The following ANKRD50 variants were observed in gnomAD, a reference collection of about 807,000 sequenced individuals.
The protein encoded by ANKRD50 is ankyrin repeat domain 50.
Under a neutral mutation model 112.0 loss-of-function variants are expected in ANKRD50, and 40 were observed. That is an observed-to-expected ratio of 0.36 (90% confidence interval 0.28 to 0.46). The LOEUF is 0.46. ANKRD50 is among the 20% of genes least tolerant of loss of function. ANKRD50 has a pLI of 1.00. For synonymous variants in ANKRD50, 613 were observed against 619.1 expected, an observed-to-expected ratio of 0.99 and a Z score of 0.15; for missense variants, 1,487 against 1,701.7, an observed-to-expected ratio of 0.87 and a Z score of 2.22.
Position 124,672,193 on chromosome 4 carries a change from G to A in ANKRD50, c.1084C>T (p.Arg362Ter), listed in dbSNP as rs1304301825. The part of the protein sequence containing the change: ...PILNVILAAC[R>*]PLTITELYHA... ...TATAATTCCGTTATGGTCAAAGGTC[G>A]GCAGGCTGCAAGAATCACATTCAAA... The change falls in exon 4 of 5, where the codon CGA (arginine) becomes TGA (stop). Residue 362 changes from arginine to a stop codon, truncating the protein, a stop_gained. Coordinates refer to ENST00000504087, the MANE Select transcript of ANKRD50 (RefSeq NM_020337.3). LOFTEE classifies it high-confidence loss of function. 1 of 1,613,788 alleles carries A rather than the reference G, an allele frequency of 6.2e-7. No individual in the cohort carries two copies. Among genetic ancestry groups the A allele is most frequent in the Non-Finnish European group, 8.5e-7 (1 of 1,179,846 alleles).
intron 2 of ANKRD50, among the ~76,000 whole-genome samples, chr4:124,687,534 C>CT (rs1725036011): frequency 6.6e-6 from 1 of 151,996 alleles, no homozygotes; most frequent in Non-Finnish European, 1.5e-5. Flanking sequence ...GAAAACTTGA[C>CT]TTTATCAAAA....
chr4:124,689,762 GTCTTAGGATT>G (rs1288964117), intron 2 of ANKRD50, among the ~76,000 whole-genome samples: 1 of 152,066 alleles, frequency 6.6e-6, no homozygotes, highest in Non-Finnish European at 1.5e-5. Context: ...TTGACTACAG[GTCTTAGGATT>G]TCTTAGCCCC....
At chr4:124,668,869 T>G in intron 4 of ANKRD50, 115 bp downstream of exon 4, 21 of 951,294 alleles carry the variant, frequency 2.2e-5, no homozygotes, top group Non-Finnish European at 3.2e-5. Context: ...CTGGCCCAGA[T>G]GACATCTGAG....
Position 124,710,588 on chromosome 4 carries a change from T to C in ANKRD50, c.-77A>G, listed in dbSNP as rs1178076194. ...TTTCCATCCATTATGACATAACTTG[T>C]ATATTAAGTTGACTCTGAAGACAGA... On this transcript the variant is annotated 5_prime_UTR_variant, in exon 2 of 5. The change creates a new upstream start codon in the 5' untranslated region. Transcript: ENST00000504087. 10 of 1,466,652 alleles carry C rather than the reference T, an allele frequency of 6.8e-6. No individual in the cohort carries two copies. Among genetic ancestry groups the C allele is most frequent in the South Asian group, 3.9e-5 (3 of 76,310 alleles). 90.9% of individuals were successfully genotyped at this position (1,466,652 alleles called of 1,614,324 possible).
intron 2 of ANKRD50, 43 bp downstream of exon 2, chr4:124,709,957 T>A (rs1725591113): frequency 1.3e-6 from 2 of 1,553,692 alleles, no homozygotes; most frequent in Non-Finnish European, 1.7e-6. Flanking sequence ...ATTAATTTAA[T>A]TTCAGCATAG....
intron 2 of ANKRD50, among the ~76,000 whole-genome samples, chr4:124,681,273 C>CT (rs2110513969): frequency 6.6e-6 from 1 of 152,284 alleles, no homozygotes; most frequent in East Asian, 1.9e-4. Flanking sequence ...CACATTAATT[C>CT]TTTAAGGTGG....
chr4:124,684,803 T>C (rs1194431718), intron 2 of ANKRD50, among the ~76,000 whole-genome samples: 1 of 152,208 alleles, frequency 6.6e-6, no homozygotes, highest in Non-Finnish European at 1.5e-5. Flanking sequence ...CTTAGTCATG[T>C]AAAAAGTAGA....
chr4:124,681,484 C>A lies in ANKRD50; in HGVS notation c.513-2579G>T, dbSNP rs187887274. Among the ~76,000 whole-genome samples, 195 of 152,298 alleles carry A rather than the reference C, an allele frequency of 1.3e-3. 1 individual carries two copies. Among genetic ancestry groups the A allele is most frequent in the African/African-American group, 4.6e-3 (192 of 41,546 alleles). On this transcript the variant is annotated intron_variant, in intron 2 of 4. Transcript: ENST00000504087. ...TCTCAGGACCCAGCCCCGCCTCTTC[C>A]CAATCTCCTTCTCCCCTAGTCCTGG...
In ANKRD50 at chr4:124,710,035, C is replaced by G. The variant is rs1321615323; in HGVS notation, c.477G>C (p.Gly159=). ...DPAVQSLLQP[G]ECERNPAEAF... is the part of the protein sequence containing the mutation. Reference sequence around the variant, plus strand: ...CTTCGGCTGGGTTTCTCTCGCACTCCCCAGGCTGTAAGAGGCTTTGGACTG... The same window carrying G: ...CTTCGGCTGGGTTTCTCTCGCACTCGCCAGGCTGTAAGAGGCTTTGGACTG... The change falls in exon 2 of 5, where the codon GGG becomes GGC. Residue 159 remains glycine (G), a synonymous_variant. Coordinates refer to ENST00000504087, the MANE Select transcript of ANKRD50 (RefSeq NM_020337.3). 1.2e-6 allele frequency: 2 copies of G among 1,614,084 alleles called. No individual in the cohort carries two copies. Among genetic ancestry groups the G allele is most frequent in the South Asian group, 1.1e-5 (1 of 91,064 alleles).
chr4:124,696,152 A>T (rs554424277), intron 2 of ANKRD50, among the ~76,000 whole-genome samples: 7 of 152,096 alleles, frequency 4.6e-5, no homozygotes, highest in Admixed American at 2.0e-4. Context: ...ATAAAAATAG[A>T]TAAAGAATTA....
intron 2 of ANKRD50, among the ~76,000 whole-genome samples, chr4:124,690,095 A>T (rs532839897): frequency 6.6e-6 from 1 of 152,300 alleles, no homozygotes; most frequent in East Asian, 1.9e-4. Context: ...TTAAGCTGCT[A>T]CCAAAGGAAA....
chr4:124,678,031 A>G (rs1050801058), intron 3 of ANKRD50, among the ~76,000 whole-genome samples: 3 of 152,124 alleles, frequency 2.0e-5, no homozygotes, highest in African/African-American at 7.2e-5. Flanking sequence ...AATTGAAGAG[A>G]GACAACCTGA....
At chr4:124,699,945 C>T (rs1378433662) in intron 2 of ANKRD50, among the ~76,000 whole-genome samples, 1 of 151,906 alleles carries the variant, frequency 6.6e-6, no homozygotes, top group Non-Finnish European at 1.5e-5. Context: ...ACAAAGAGGA[C>T]AAGAAAAGCA....
chr4:124,688,598 C>A (rs954717676), intron 2 of ANKRD50, among the ~76,000 whole-genome samples: 13 of 152,168 alleles, frequency 8.5e-5, no homozygotes, highest in African/African-American at 3.1e-4. Context: ...AGTCAGAATA[C>A]TCAGAACTCA....
intron 2 of ANKRD50, among the ~76,000 whole-genome samples, chr4:124,685,647 T>C (rs570676483): frequency 6.6e-6 from 1 of 152,326 alleles, no homozygotes; most frequent in African/African-American, 2.4e-5. Context: ...TAACACTGTA[T>C]TTAAAAGCAA....
intron 3 of ANKRD50, among the ~76,000 whole-genome samples, chr4:124,677,726 G>C (rs936884866): frequency 6.6e-6 from 1 of 151,804 alleles, no homozygotes; most frequent in African/African-American, 2.4e-5. Flanking sequence ...AAGCTCAGAT[G>C]GTGTACGGAG....
intron 3 of ANKRD50, among the ~76,000 whole-genome samples, chr4:124,676,796 A>G (rs139738065): frequency 1.2e-3 from 184 of 151,868 alleles, no homozygotes; most frequent in Middle Eastern, 3.4e-3. Context: ...AATTGAAAAA[A>G]TATCAAATAC....
At chr4:124,678,530 T>A (rs984206718) in intron 3 of ANKRD50, 146 bp downstream of exon 3, 5 of 700,140 alleles carry the variant, frequency 7.1e-6, no homozygotes, top group Non-Finnish European at 1.2e-5. Flanking sequence ...AAGGCTTTTT[T>A]ATATAAATTT....
At chr4:124,687,017 T>A (rs912633987) in intron 2 of ANKRD50, among the ~76,000 whole-genome samples, 4 of 152,102 alleles carry the variant, frequency 2.6e-5, no homozygotes, top group African/African-American at 9.7e-5. Context: ...GTATGTGGCT[T>A]CAAAAAATAA....
Sources: allele counts gnomAD v4.1 joint callset (sites outside exome capture counted in the v4.1 genomes callset), GRCh38; gene constraint gnomAD v4.1.1; transcripts MANE v1.5; gene names NCBI Gene and HGNC (gene_info 2026-07-23, HGNC 2026-07-21).